Variants in STK38L observed in about 807,000 individuals in gnomAD.
STK38L encodes serine/threonine kinase 38 like, also known as serine/threonine-protein kinase 38-like.
STK38L carries 28 observed loss-of-function variants against 59.7 expected under a neutral mutation model. The observed-to-expected ratio is 0.47, with a 90% CI of 0.35 to 0.64. STK38L has a LOEUF of 0.64. Among genes scored for constraint, STK38L ranks in the 30% least tolerant of loss-of-function variants. The probability of loss-of-function intolerance (pLI) is 0.01; values close to 1 mark genes in which losing one functional copy is unlikely to be tolerated. For synonymous variants in STK38L, 162 were observed against 176.8 expected, an observed-to-expected ratio of 0.92 and a Z score of 0.66; for missense variants, 314 against 555.8, an observed-to-expected ratio of 0.56 and a Z score of 4.37.
intron 1 of STK38L, among the ~76,000 whole-genome samples, chr12:27,265,745 T>C (rs1943289504): frequency 6.6e-6 from 1 of 152,238 alleles, no homozygotes; most frequent in African/African-American, 2.4e-5. Flanking sequence ...TGTATGACCA[T>C]AAACAGGCAT....
At chr12:27,309,319 G>A in intron 5 of STK38L, 122 bp downstream of exon 5, 1 of 522,196 alleles carries the variant, frequency 1.9e-6, no homozygotes, top group Non-Finnish European at 3.0e-6. Flanking sequence ...TTAATTTTTT[G>A]GTAGCCTGTT....
chr12:27,315,966 G>C (rs2136650575), intron 9 of STK38L, among the ~76,000 whole-genome samples: 1 of 152,174 alleles, frequency 6.6e-6, no homozygotes, highest in South Asian at 2.1e-4. Flanking sequence ...CTGTTAACAT[G>C]GTCCATCAAC....
intron 1 of STK38L, among the ~76,000 whole-genome samples, chr12:27,270,710 C>T (rs1007983256): frequency 6.6e-6 from 1 of 151,886 alleles, no homozygotes; most frequent in Non-Finnish European, 1.5e-5. Context: ...GACAGGGCCT[C>T]GCTTTGTTGC....
chr12:27,272,571 G>C (rs1306804587), intron 1 of STK38L, among the ~76,000 whole-genome samples: 1 of 152,118 alleles, frequency 6.6e-6, no homozygotes, highest in Non-Finnish European at 1.5e-5. Context: ...GTCTTGGAGG[G>C]AAGTCCAGAC....
At chr12:27,254,258 T>A (rs533411327) in intron 1 of STK38L, among the ~76,000 whole-genome samples, 156 of 152,332 alleles carry the variant, frequency 1.0e-3, no homozygotes, top group African/African-American at 3.5e-3. Context: ...AAGACTGTAA[T>A]ACCTAATAAT....
In STK38L at chr12:27,323,302, T is replaced by C. The variant is rs1944773440; in HGVS notation, c.*847T>C. 6.6e-6 allele frequency: 1 copy of C among 152,352 alleles called. No individual in the cohort carries two copies. The highest frequency in any genetic ancestry group is 1.5e-5 in the Non-Finnish European group (1 of 67,998). The allele number at this position is 152,352 out of a possible 1,614,324, so 9.4% of individuals were successfully genotyped here. On this transcript the variant is annotated 3_prime_UTR_variant, in exon 14 of 14. Coordinates refer to ENST00000389032, the MANE Select transcript of STK38L (RefSeq NM_015000.4). ...ATTATTTTAATTTGATTATGGTGAG[T>C]TGAATTTAAGACATGACCATGAAGG...
intron 5 of STK38L, 132 bp from the exon 6 acceptor site, chr12:27,312,417 C>G: frequency 1.1e-6 from 1 of 929,488 alleles, no homozygotes; most frequent in Non-Finnish European, 1.6e-6. Flanking sequence ...TACGAACATT[C>G]ATACATGTAT....
chr12:27,304,146 C>G (rs1395417708), intron 3 of STK38L, among the ~76,000 whole-genome samples: 1 of 150,838 alleles, frequency 6.6e-6, no homozygotes, highest in Non-Finnish European at 1.5e-5. Context: ...GTAGTCCCAG[C>G]TACTCAGGAG....
intron 8 of STK38L, 30 bp from the exon 9 acceptor site, chr12:27,315,259 G>A (rs1453605014): frequency 2.5e-6 from 4 of 1,611,202 alleles, no homozygotes; most frequent in Non-Finnish European, 3.4e-6. Context: ...TTTTTCCCTC[G>A]TGATTACAAT....
At chr12:27,244,637 G>A (rs965457046) in intron 1 of STK38L, among the ~76,000 whole-genome samples, 17 of 152,130 alleles carry the variant, frequency 1.1e-4, no homozygotes, top group African/African-American at 4.1e-4. Flanking sequence ...GTCCCCGCCT[G>A]GGCTTCACAA....
intron 1 of STK38L, among the ~76,000 whole-genome samples, chr12:27,252,664 G>A (rs1163125643): frequency 6.6e-6 from 1 of 152,012 alleles, no homozygotes; most frequent in Non-Finnish European, 1.5e-5. Flanking sequence ...GGTTGAGGAT[G>A]TTCTCCATAT....
chr12:27,255,048 A>G (rs1943062038), intron 1 of STK38L, among the ~76,000 whole-genome samples: 1 of 152,254 alleles, frequency 6.6e-6, no homozygotes, highest in South Asian at 2.1e-4. Flanking sequence ...TTGAGCAGAA[A>G]AGGAGACAGA....
At chr12:27,298,581 T>A (rs1307473183) in intron 2 of STK38L, among the ~76,000 whole-genome samples, 2 of 152,116 alleles carry the variant, frequency 1.3e-5, no homozygotes, top group Non-Finnish European at 2.9e-5. Context: ...ATAACACACA[T>A]AAATATATAA....
chr12:27,286,723 C>G (rs539325377), intron 1 of STK38L, among the ~76,000 whole-genome samples: 18 of 152,238 alleles, frequency 1.2e-4, no homozygotes, highest in African/African-American at 4.1e-4. Flanking sequence ...AAAAATATCT[C>G]TATGGTTCTT....
intron 1 of STK38L, among the ~76,000 whole-genome samples, chr12:27,295,902 A>G (rs1226285940): frequency 6.6e-6 from 1 of 152,238 alleles, no homozygotes; most frequent in Non-Finnish European, 1.5e-5. Context: ...CTTCAGGGAT[A>G]GGTCATGGAA....
intron 1 of STK38L, among the ~76,000 whole-genome samples, chr12:27,278,691 A>G (rs1786799089): frequency 6.6e-6 from 1 of 152,186 alleles, no homozygotes; most frequent in African/African-American, 2.4e-5. Context: ...TTTGTTTTCT[A>G]TAATCAATAA....
chr12:27,322,263 T>C, intron 13 of STK38L, 29 bp downstream of exon 13: 1 of 1,613,070 alleles, frequency 6.2e-7, no homozygotes, highest in African/African-American at 1.3e-5. Flanking sequence ...TAACTAACCC[T>C]ATTAAAAGTC....
At chr12:27,282,777 A>G (rs1276129341) in intron 1 of STK38L, among the ~76,000 whole-genome samples, 4 of 152,232 alleles carry the variant, frequency 2.6e-5, no homozygotes, top group African/African-American at 9.6e-5. Flanking sequence ...CAGCATAGCT[A>G]AAAATACCCC....
intron 10 of STK38L, 104 bp from the exon 11 acceptor site, chr12:27,317,792 T>C (rs1254810825): frequency 3.6e-6 from 5 of 1,407,474 alleles, no homozygotes; most frequent in Non-Finnish European, 4.8e-6. Context: ...GACTGTTAAA[T>C]AGAGCACTCA....
Sources: gnomAD v4.1 joint callset for allele counts (sites outside exome capture counted in the v4.1 genomes callset) on GRCh38, gnomAD v4.1.1 for gene constraint, MANE v1.5 for transcripts, NCBI Gene and HGNC (gene_info 2026-07-23, HGNC 2026-07-21) for gene names.